The following GTF3C2 variants were observed in gnomAD, a reference collection of about 807,000 sequenced individuals.
GTF3C2 encodes the protein general transcription factor 3C polypeptide 2.
GTF3C2 carries 17 observed loss-of-function variants against 117.4 expected under a neutral mutation model. That is an observed-to-expected ratio of 0.14 (90% CI 0.10 to 0.22). The LOEUF is 0.22. Ranked by LOEUF, GTF3C2 falls within the 10% of genes least tolerant of loss-of-function variation. The pLI is 1.00. For missense variants in GTF3C2, 888 were observed against 1,143.6 expected, an observed-to-expected ratio of 0.78 and a Z score of 3.22; for synonymous variants, 437 against 427.0, an observed-to-expected ratio of 1.02 and a Z score of -0.29.
chr2:27,326,053 G>A (rs186706145), exon 19 of GTF3C2: 6 of 372,222 alleles, frequency 1.6e-5, no homozygotes, highest in Admixed American at 7.7e-5. Context: ...TTCAAGTAGG[G>A]TCAGATGACC....
chr2:27,335,025 A>G (rs964746231), intron 10 of GTF3C2, among the ~76,000 whole-genome samples: 1 of 151,978 alleles, frequency 6.6e-6, no homozygotes, highest in Non-Finnish European at 1.5e-5. Flanking sequence ...AACCCACTCC[A>G]CCAGACCACC....
chr2:27,345,911 C>T (rs1680901492), intron 1 of GTF3C2, among the ~76,000 whole-genome samples: 1 of 151,306 alleles, frequency 6.6e-6, no homozygotes, highest in Admixed American at 6.6e-5. Context: ...GATGGGGTTT[C>T]ACCATGTTGA....
chr2:27,335,837 C>G (rs1358876962), intron 9 of GTF3C2, 80 bp downstream of exon 9: 5 of 1,125,866 alleles, frequency 4.4e-6, no homozygotes, highest in Non-Finnish European at 6.6e-6. Flanking sequence ...AACCTTCGTT[C>G]CTTCAACTCT....
At position 27,335,797 on chromosome 2, in the gene GTF3C2, T is replaced by G. The variant is rs547021778; in HGVS notation, c.1468-91A>C. 7.3e-6 allele frequency: 8 copies of G among 1,094,458 alleles called. No individual in the cohort carries two copies. In the East Asian group the frequency reaches 2.1e-4, roughly 28 times the overall value. The allele number at this position is 1,094,458 out of a possible 1,614,324, so 67.8% of individuals were successfully genotyped here. A position where few individuals can be genotyped will look rare whatever the true frequency, so the allele number is the denominator to read the frequency against. On this transcript the variant is annotated intron_variant, in intron 9 of 18. Coordinates refer to ENST00000264720, the Ensembl canonical transcript of GTF3C2. ...CTAGTCCCTGAAATACTGTATGAAGTTGCTGGAAAAACTCCATCCACTACA... is the reference window on the plus strand; with the variant it reads ...CTAGTCCCTGAAATACTGTATGAAGGTGCTGGAAAAACTCCATCCACTACA...
chr2:27,337,264 G>A, exon 7 of GTF3C2: 2 of 1,606,698 alleles, frequency 1.2e-6, no homozygotes, highest in Non-Finnish European at 1.7e-6. Context: ...GGTAGAGGGT[G>A]CCATCTTCAG....
intron 16 of GTF3C2, 45 bp from the exon 17 acceptor site, chr2:27,328,234 G>C (rs748723952): frequency 1.6e-5 from 24 of 1,456,126 alleles, no homozygotes; most frequent in Non-Finnish European, 2.2e-5. Context: ...ACTCAAGACA[G>C]AATAAAAGCA....
chr2:27,349,304 T>C (rs938707492), intron 1 of GTF3C2, among the ~76,000 whole-genome samples: 4 of 151,422 alleles, frequency 2.6e-5, no homozygotes, highest in African/African-American at 7.3e-5. Flanking sequence ...CCCGCCATCA[T>C]GCCCGGCTAA....
At position 27,337,714 on chromosome 2, in the gene GTF3C2, A is replaced by G. The variant is rs1002763817; in HGVS notation, c.951-156T>C. ...GCTACCAAGCACCTAAAATGTGGCT[A>G]GCGCAGCTGAGAAACAGAGCCTTTC... On this transcript the variant is annotated intron_variant, in intron 5 of 18. Coordinates refer to ENST00000264720, the Ensembl canonical transcript of GTF3C2. 20 of 692,530 alleles carry G rather than the reference A, an allele frequency of 2.9e-5. No homozygotes were observed. The East Asian group carries it at 5.2e-4, about 18-fold the overall frequency. The allele number at this position is 692,530 out of a possible 1,614,324, so 42.9% of individuals were successfully genotyped here.
chr2:27,331,802 T>C (rs1163817455), intron 12 of GTF3C2, among the ~76,000 whole-genome samples: 1 of 152,008 alleles, frequency 6.6e-6, no homozygotes, highest in South Asian at 2.1e-4. Flanking sequence ...AGCCAGGCAT[T>C]GTGGCTCGTT....
intron 4 of GTF3C2, among the ~76,000 whole-genome samples, chr2:27,341,182 C>T (rs1278037493): frequency 6.6e-6 from 1 of 151,996 alleles, no homozygotes; most frequent in Non-Finnish European, 1.5e-5. Flanking sequence ...ACTACAGGTG[C>T]GTGCCACCAT....
At chr2:27,353,014 A>G (rs1681189286) in intron 1 of GTF3C2, among the ~76,000 whole-genome samples, 1 of 152,174 alleles carries the variant, frequency 6.6e-6, no homozygotes, top group Non-Finnish European at 1.5e-5. Context: ...TGTCTTTCTA[A>G]AGCATTCAAT....
chr2:27,328,411 T>C (rs1680161491), intron 16 of GTF3C2, 57 bp downstream of exon 16: 1 of 1,588,172 alleles, frequency 6.3e-7, no homozygotes, highest in Non-Finnish European at 8.6e-7. Flanking sequence ...CTACCAGAAT[T>C]TGGGAGGGCA....
intron 1 of GTF3C2, among the ~76,000 whole-genome samples, chr2:27,347,293 G>T (rs1474067624): frequency 6.6e-6 from 1 of 152,156 alleles, no homozygotes; most frequent in Admixed American, 6.6e-5. Flanking sequence ...GTGGAAAAGT[G>T]TGCTTATACA....
rs1156539544 is a variant in GTF3C2 at position 27,341,014 on chromosome 2, C to T, written c.855+934G>A. On this transcript the variant is annotated intron_variant, in intron 4 of 18. Transcript: ENST00000264720. The stretch of plus-strand genomic sequence containing the variant: ...AAATGTTTGTTGTACAGTTTGTGTA[C>T]AACTGAATTGTGTGTTTTGTTTTGT... Among the ~76,000 whole-genome samples, 8 of 152,146 alleles carry T rather than the reference C, an allele frequency of 5.3e-5. No individual in the cohort carries two copies. In the East Asian group the frequency reaches 1.5e-3, roughly 29 times the overall value.
rs933050760 is a variant in GTF3C2 at position 27,341,705 on chromosome 2, C to T, written c.855+243G>A. 10 of 505,242 alleles carry T rather than the reference C, an allele frequency of 2.0e-5. 1 individual carries two copies. The highest frequency in any genetic ancestry group is 7.6e-5 in the African/African-American group (4 of 52,328). 31.3% of individuals were successfully genotyped at this position (505,242 alleles called of 1,614,324 possible). A position where few individuals can be genotyped will look rare whatever the true frequency, so the allele number is the denominator to read the frequency against. On this transcript the variant is annotated intron_variant, in intron 4 of 18. Coordinates refer to ENST00000264720, the Ensembl canonical transcript of GTF3C2. Reference sequence around the variant, plus strand: ...GAGGCAGGATACACTGTCTTATTTACGTTTGTTGTGTTTCCTAACAGAGAA... The same window carrying T: ...GAGGCAGGATACACTGTCTTATTTATGTTTGTTGTGTTTCCTAACAGAGAA...
At chr2:27,336,396 C>T (rs776630646) in exon 8 of GTF3C2, 2 of 1,607,520 alleles carry the variant, frequency 1.2e-6, no homozygotes, top group Non-Finnish European at 8.5e-7. Context: ...CACATCCCAG[C>T]GCTCTGGATG....
At position 27,354,313 on chromosome 2, in the gene GTF3C2, T is replaced by C. The variant is rs145360991; in HGVS notation, c.-25+2426A>G. 9.3e-4 allele frequency among the ~76,000 whole-genome samples: 141 copies of C among 152,094 alleles called. 1 individual carries two copies. The East Asian group carries it at 0.013, about 14-fold the overall frequency. On this transcript the variant is annotated intron_variant, in intron 1 of 18. Transcript: ENST00000264720. ...AAGTGGGAACCAATACAATGACTCT[T>C]GGCAAGCATTCAACTCAACTAGTGG...
At chr2:27,340,353 C>T (rs1372404516) in intron 4 of GTF3C2, 5 of 152,022 alleles carry the variant, frequency 3.3e-5, no homozygotes, top group Admixed American at 3.3e-4. Context: ...GCCTCAGCCT[C>T]CCGAGTAGCT....
intron 4 of GTF3C2, chr2:27,338,372 CCTT>C: frequency 3.7e-6 from 1 of 273,122 alleles, no homozygotes; most frequent in Non-Finnish European, 7.1e-6. Flanking sequence ...ACAGGTTCTC[CCTT>C]CTTGACAGGT....
Sources: gnomAD v4.1 joint callset for allele counts (sites outside exome capture counted in the v4.1 genomes callset) on GRCh38, gnomAD v4.1.1 for gene constraint, MANE v1.5 for transcripts, NCBI Gene and HGNC (gene_info 2026-07-23, HGNC 2026-07-21) for gene names.